The following HP1BP3 variants were observed in gnomAD, a reference collection of about 807,000 sequenced individuals.
The protein encoded by HP1BP3 is heterochromatin protein 1 binding protein 3, also known as heterochromatin protein 1-binding protein 3.
Under a neutral mutation model 62.5 loss-of-function variants are expected in HP1BP3, and 12 were observed. The ratio of observed to expected loss-of-function variants is 0.19; its 90% confidence interval spans 0.12 to 0.31. HP1BP3 has a LOEUF of 0.31. HP1BP3 is among the 10% of genes least tolerant of loss of function. HP1BP3 has a pLI of 1.00. For missense variants in HP1BP3, 502 were observed against 651.8 expected (o/e 0.77, Z 2.50); for synonymous variants, 260 against 237.8 (o/e 1.09, Z -0.86).
chr1:20,775,689 G>A (rs2057274139), intron 4 of HP1BP3: 1 of 294,290 alleles, frequency 3.4e-6, no homozygotes, highest in African/African-American at 2.2e-5. Flanking sequence ...TATTTTTACT[G>A]TACCTTTTCT....
At position 20,745,195 on chromosome 1, in the gene HP1BP3, CTTACG is replaced by C. The variant is rs1204724265; in HGVS notation, c.1368-109_1368-105del. On this transcript the variant is annotated intron_variant, in intron 12 of 12. Coordinates refer to ENST00000438032, the MANE Select transcript of HP1BP3 (RefSeq NM_001372052.1). Reference sequence around the variant, plus strand: ...AGAGAAACGGCATATGAAGTGGTCACTTACGTTAAGAATAGGAATGTGACAATTTT... The same window carrying C: ...AGAGAAACGGCATATGAAGTGGTCACTTAAGAATAGGAATGTGACAATTTT... 6 of 1,301,152 alleles carry C rather than the reference CTTACG, an allele frequency of 4.6e-6. No homozygotes were observed. The African/African-American group carries it at 8.9e-5, about 19-fold the overall frequency. 80.6% of individuals were successfully genotyped at this position (1,301,152 alleles called of 1,614,324 possible). A position where few individuals can be genotyped will look rare whatever the true frequency, so the allele number is the denominator to read the frequency against.
At chr1:20,746,186 A>ATGTGTGTGTGTGTGTGTGTGTGTGTG (rs35710978) in intron 11 of HP1BP3, among the ~76,000 whole-genome samples, 3 of 143,144 alleles carry the variant, frequency 2.1e-5, no homozygotes, top group African/African-American at 8.1e-5. Flanking sequence ...ACATACATAT[A>ATGTGTGTGTGTGTGTGTGTGTGTGTG]TGTGTGTGTG....
chr1:20,766,900 G>A (rs968264004), intron 7 of HP1BP3, among the ~76,000 whole-genome samples: 1 of 152,114 alleles, frequency 6.6e-6, no homozygotes, highest in African/African-American at 2.4e-5. Flanking sequence ...CCAAGATCGT[G>A]CCACTGCACT....
chr1:20,776,084 T>C, intron 4 of HP1BP3: 1 of 1,286,312 alleles, frequency 7.8e-7, no homozygotes. Flanking sequence ...CAATAGCAAA[T>C]TTTACTTTCA....
intron 9 of HP1BP3, among the ~76,000 whole-genome samples, chr1:20,755,952 CAG>C (rs753537187): frequency 2.5e-4 from 38 of 152,266 alleles, no homozygotes; most frequent in Admixed American, 1.7e-3. Flanking sequence ...TGCAAATCTG[CAG>C]AGAGACAGAA....
At chr1:20,760,199 T>G (rs2056385385) in intron 8 of HP1BP3, among the ~76,000 whole-genome samples, 1 of 152,038 alleles carries the variant, frequency 6.6e-6, no homozygotes, top group Non-Finnish European at 1.5e-5. Flanking sequence ...ACAGACTGAT[T>G]TTTTAACTGT....
At chr1:20,765,007 A>G (rs1320608096) in intron 8 of HP1BP3, among the ~76,000 whole-genome samples, 2 of 151,842 alleles carry the variant, frequency 1.3e-5, no homozygotes, top group Non-Finnish European at 2.9e-5. Flanking sequence ...TGGCTCTACT[A>G]AAAATACAAA....
intron 1 of HP1BP3, among the ~76,000 whole-genome samples, chr1:20,782,144 A>G (rs927701297): frequency 3.3e-5 from 5 of 152,188 alleles, no homozygotes; most frequent in Non-Finnish European, 5.9e-5. Flanking sequence ...CATCTTTAAA[A>G]AAATACTTTC....
At position 20,744,054 on chromosome 1, in the gene HP1BP3, G is replaced by A. The variant is rs2055169770; in HGVS notation, c.*743C>T. The A allele has an allele frequency of 6.6e-6, 1 of 152,158 alleles. No homozygotes were observed. The allele number at this position is 152,158 out of a possible 1,614,324, so 9.4% of individuals were successfully genotyped here. The stretch of plus-strand genomic sequence containing the variant: ...ACTGCACTCCGGGGCACCTGAGCAA[G>A]ACTCCGTCTCAAAACAACGACGACA... On this transcript the variant is annotated 3_prime_UTR_variant, in exon 13 of 13. Transcript: ENST00000438032.
At chr1:20,781,260 T>C (rs2057531697) in intron 1 of HP1BP3, among the ~76,000 whole-genome samples, 2 of 152,018 alleles carry the variant, frequency 1.3e-5, no homozygotes, top group Non-Finnish European at 2.9e-5. Flanking sequence ...TATACAAAAA[T>C]TCCTCAATAT....
intron 11 of HP1BP3, among the ~76,000 whole-genome samples, chr1:20,746,226 G>GTT (rs1491167570): frequency 9.6e-5 from 12 of 124,534 alleles, no homozygotes; most frequent in African/African-American, 3.5e-4. Context: ...GTGTGTGTGT[G>GTT]TTTCTTGCCT....
rs752939281 is a variant in HP1BP3, at chr1:20,780,326, A to G, written c.96+19T>C. ...GGGATTGATCCAAGAGTGAGCTTCA[A>G]GAATGTGTCAGCCCCTACCTCACCT... On this transcript the variant is annotated intron_variant, in intron 2 of 12. Transcript: ENST00000438032. 6.4e-7 allele frequency: 1 copy of G among 1,574,266 alleles called. No homozygotes were observed. Among genetic ancestry groups the G allele is most frequent in the Non-Finnish European group, 8.7e-7 (1 of 1,143,586 alleles).
intron 1 of HP1BP3, among the ~76,000 whole-genome samples, chr1:20,784,141 T>C (rs1438144996): frequency 1.3e-5 from 2 of 152,056 alleles, no homozygotes; most frequent in Non-Finnish European, 2.9e-5. Context: ...GGCTAATTTT[T>C]CTCTTTTTTG....
chr1:20,759,830 G>T (rs1402999975), intron 8 of HP1BP3, among the ~76,000 whole-genome samples: 1 of 151,552 alleles, frequency 6.6e-6, no homozygotes, highest in African/African-American at 2.4e-5. Context: ...GAGTAGCTTA[G>T]GTCAGAGATA....
intron 1 of HP1BP3, among the ~76,000 whole-genome samples, chr1:20,786,955 G>A (rs1300091552): frequency 1.3e-5 from 2 of 152,048 alleles, no homozygotes; most frequent in Non-Finnish European, 2.9e-5. Flanking sequence ...GCGCGCCGGA[G>A]GGCCCCTGAG....
intron 9 of HP1BP3, among the ~76,000 whole-genome samples, chr1:20,750,824 T>G (rs1223959744): frequency 1.4e-5 from 2 of 147,952 alleles, no homozygotes; most frequent in Non-Finnish European, 3.0e-5. Flanking sequence ...CTCTTTTTTT[T>G]TTTTTTTTTT....
intron 8 of HP1BP3, 109 bp from the exon 9 acceptor site, chr1:20,757,365 T>C (rs898820168): frequency 9.4e-6 from 4 of 424,540 alleles, no homozygotes; most frequent in Non-Finnish European, 1.1e-5. Context: ...TTACTATTAT[T>C]ATTATTATTT....
At chr1:20,745,871 C>A (rs2055287841) in intron 11 of HP1BP3, among the ~76,000 whole-genome samples, 1 of 152,168 alleles carries the variant, frequency 6.6e-6, no homozygotes, top group Non-Finnish European at 1.5e-5. Context: ...ATACCTAATT[C>A]TATACCCACT....
chr1:20,785,429 T>C (rs755127028), intron 1 of HP1BP3, among the ~76,000 whole-genome samples: 28 of 152,244 alleles, frequency 1.8e-4, no homozygotes, highest in Non-Finnish European at 3.2e-4. Flanking sequence ...TACATGTCAT[T>C]AGTGATGCGC....
Sources: allele counts gnomAD v4.1 joint callset (sites outside exome capture counted in the v4.1 genomes callset), GRCh38; gene constraint gnomAD v4.1.1; transcripts MANE v1.5; gene names NCBI Gene and HGNC (gene_info 2026-07-23, HGNC 2026-07-21).